SLC7A6OS: variants seen among roughly 807,000 people sequenced by gnomAD.
SLC7A6OS encodes solute carrier family 7 member 6 opposite strand.
A neutral mutation model predicts 34.3 loss-of-function variants in SLC7A6OS; 22 were observed. That is an observed-to-expected ratio of 0.64 (90% CI 0.46 to 0.92). The LOEUF is 0.92. SLC7A6OS is among the 40% of genes least tolerant of loss of function. SLC7A6OS has a pLI of 0.00. For missense variants in SLC7A6OS, 434 were observed against 407.7 expected (o/e 1.06, Z -0.56); for synonymous variants, 199 against 165.0 (o/e 1.21, Z -1.58).
chr16:68,308,269 C>T (rs2043340807), intron 2 of SLC7A6OS, among the ~76,000 whole-genome samples: 1 of 152,140 alleles, frequency 6.6e-6, no homozygotes, highest in African/African-American at 2.4e-5. Flanking sequence ...GTAAGTCATG[C>T]ATTAGTCTGG....
intron 2 of SLC7A6OS, among the ~76,000 whole-genome samples, chr16:68,307,531 AG>A (rs778976178): frequency 1.3e-5 from 2 of 152,260 alleles, no homozygotes; most frequent in Non-Finnish European, 2.9e-5. Flanking sequence ...AAATTTCCTT[AG>A]AAATTTTTAA....
chr16:68,303,843 C>T, intron 3 of SLC7A6OS, 183 bp downstream of exon 3: 1 of 598,348 alleles, frequency 1.7e-6, no homozygotes. Flanking sequence ...GATGATCTTT[C>T]CCCAAATTCC....
rs1567602813 is a variant in SLC7A6OS at position 68,304,187 on chromosome 16, GGA to G, written c.515_516del (p.Ile172ThrfsTer2). 1 of 1,613,956 alleles carries G rather than the reference GGA, an allele frequency of 6.2e-7. No individual in the cohort carries two copies. Among genetic ancestry groups the G allele is most frequent in the East Asian group, 2.2e-5 (1 of 44,894 alleles). ...DVILCNSVEL[I>X]RERLTVSEDG... is the part of the protein sequence containing the mutation. The stretch of plus-strand genomic sequence containing the variant: ...TCCTCAGACACAGTCAATCGCTCAC[GGA>G]TCAACTCTACAGAATTGCAGAGGAT... On this transcript the variant is annotated frameshift_variant, in exon 3 of 5. Transcript: ENST00000263997. LOFTEE classifies it high-confidence loss of function.
rs186630157 is a variant in SLC7A6OS at position 68,300,716 on chromosome 16, C to G, written c.*559G>C. On this transcript the variant is annotated 3_prime_UTR_variant, in exon 5 of 5. Transcript: ENST00000263997. ...GGAAGTCAGTCAGTAATTTCACAAC[C>G]GTTATCAGAGTTTGGAAGCAGAAAT... is the stretch of plus-strand genomic sequence containing the variant. The G allele has an allele frequency of 1.0e-6, 1 of 985,484 alleles. No homozygotes were observed. Among genetic ancestry groups the G allele is most frequent in the South Asian group, 4.7e-5 (1 of 21,292 alleles). 61.0% of individuals were successfully genotyped at this position (985,484 alleles called of 1,614,324 possible).
chr16:68,306,900 C>T (rs1009267557), intron 2 of SLC7A6OS, among the ~76,000 whole-genome samples: 2 of 152,018 alleles, frequency 1.3e-5, no homozygotes, highest in African/African-American at 4.8e-5. Flanking sequence ...TGGAGGGCAG[C>T]AGTATGATCA....
chr16:68,303,746 C>T, intron 3 of SLC7A6OS: 1 of 381,638 alleles, frequency 2.6e-6, no homozygotes, highest in Non-Finnish European at 4.8e-6. Flanking sequence ...ATACATATTT[C>T]CCCCCTAAGA....
rs576050687 is a variant in SLC7A6OS at position 68,310,515 on chromosome 16, G to C, written c.291C>G (p.Val97=). Reference sequence around the variant, plus strand: ...GCACCCGGTAGCGGCCCTCCTGCCGGACCTCCCGAGCCGAGGCGCGGAGAT... The same window carrying C: ...GCACCCGGTAGCGGCCCTCCTGCCGCACCTCCCGAGCCGAGGCGCGGAGAT... ...RRNLRASARE[V]RQEGRYRVLS... The change falls in exon 2 of 5, where the codon GTC becomes GTG. Residue 97 remains valine (V), a synonymous_variant. Coordinates refer to ENST00000263997, the MANE Select transcript of SLC7A6OS (RefSeq NM_032178.3). 2 of 1,582,364 alleles carry C rather than the reference G, an allele frequency of 1.3e-6. No homozygotes were observed. The highest frequency in any genetic ancestry group is 2.3e-5 in the East Asian group (1 of 42,836).
chr16:68,310,900 G>T lies in SLC7A6OS; in HGVS notation c.27C>A (p.Leu9=). MEAARTAV[L]RVKRKRSAEP... ...CCGCACTGCGCTTCCGCTTCACCCG[G>T]AGTACAGCGGTCCTGGCGGCCTCCA... Residue 9 remains leucine, a synonymous_variant, in exon 1 of 5, where the codon CTC becomes CTA. Coordinates refer to ENST00000263997, the MANE Select transcript of SLC7A6OS (RefSeq NM_032178.3). 1 of 1,597,576 alleles carries T rather than the reference G, an allele frequency of 6.3e-7. No homozygotes were observed. Among genetic ancestry groups the T allele is most frequent in the South Asian group, 1.1e-5 (1 of 89,980 alleles).
intron 2 of SLC7A6OS, among the ~76,000 whole-genome samples, chr16:68,305,267 G>A (rs2043318729): frequency 6.6e-6 from 1 of 152,168 alleles, no homozygotes; most frequent in South Asian, 2.1e-4. Context: ...GTTTCCTGGT[G>A]ACCTCTACCA....
At chr16:68,305,664 C>G (rs1409113868) in intron 2 of SLC7A6OS, among the ~76,000 whole-genome samples, 1 of 152,188 alleles carries the variant, frequency 6.6e-6, no homozygotes, top group East Asian at 1.9e-4. Context: ...GCTAGAGATG[C>G]CAGTTTTTCT....
rs1329158255 is a variant in SLC7A6OS at position 68,298,514 on chromosome 16, C to G, written c.*2761G>C. 1.3e-5 allele frequency: 2 copies of G among 152,278 alleles called. No individual in the cohort carries two copies. Among genetic ancestry groups the G allele is most frequent in the Non-Finnish European group, 2.9e-5 (2 of 68,074 alleles). The allele number at this position is 152,278 out of a possible 1,614,324, so 9.4% of individuals were successfully genotyped here. ...AGGCTTTGTTTACACTTGGAGCCAC[C>G]TTGGTGTGGGTCACCGGGACAGTGT... On this transcript the variant is annotated 3_prime_UTR_variant, in exon 5 of 5. Transcript: ENST00000263997.
In SLC7A6OS at chr16:68,299,728, C is replaced by G. The variant is rs990409719; in HGVS notation, c.*1547G>C. The G allele has an allele frequency of 3.9e-5, 6 of 152,132 alleles. No homozygotes were observed. In the East Asian group the frequency reaches 1.2e-3, roughly 29 times the overall value. 9.4% of individuals were successfully genotyped at this position (152,132 alleles called of 1,614,324 possible). ...GAGAATGGCTTTCAATCCTTTGTTT[C>G]TATGCCTACAGACAGAAAGCAAGAT... is the stretch of plus-strand genomic sequence containing the variant. On this transcript the variant is annotated 3_prime_UTR_variant, in exon 5 of 5. Coordinates refer to ENST00000263997, the MANE Select transcript of SLC7A6OS (RefSeq NM_032178.3).
intron 3 of SLC7A6OS, among the ~76,000 whole-genome samples, chr16:68,303,301 TGTG>T (rs1450223980): frequency 7.3e-6 from 1 of 137,700 alleles, no homozygotes; most frequent in Non-Finnish European, 1.6e-5. Flanking sequence ...GTCAGCTAGG[TGTG>T]GTGGCTCACA....
Position 68,301,361 on chromosome 16 carries a change from T to G in SLC7A6OS, c.844A>C (p.Ser282Arg). The G allele has an allele frequency of 4.3e-6, 7 of 1,614,162 alleles. No individual in the cohort carries two copies. Among genetic ancestry groups the G allele is most frequent in the Non-Finnish European group, 5.9e-6 (7 of 1,179,998 alleles). The part of the protein sequence containing the change: ...NSLSEEERGS[S>R]RQRMWSKYPL... ...TACTTGCTCCACATCCGCTGTCTGC[T>G]GCTGCCTCTTTCCTCCTCACTCAGG... The change falls in exon 5 of 5, where the codon AGC becomes CGC. Residue 282 changes from serine to arginine, a missense_variant. Transcript: ENST00000263997.
At chr16:68,305,345 C>CTA (rs1448371240) in intron 2 of SLC7A6OS, among the ~76,000 whole-genome samples, 1 of 152,160 alleles carries the variant, frequency 6.6e-6, no homozygotes, top group East Asian at 1.9e-4. Flanking sequence ...ATGGGCTCAC[C>CTA]TATAGTCTTT....
chr16:68,302,279 C>T, intron 4 of SLC7A6OS, 102 bp downstream of exon 4: 1 of 1,426,334 alleles, frequency 7.0e-7, no homozygotes, highest in Non-Finnish European at 9.6e-7. Context: ...TGCTGGCGCT[C>T]AATGACAGAG....
intron 2 of SLC7A6OS, among the ~76,000 whole-genome samples, chr16:68,304,965 G>A (rs150093148): frequency 6.6e-6 from 1 of 152,106 alleles, no homozygotes; most frequent in African/African-American, 2.4e-5. Context: ...AGGCTGCAGT[G>A]AGCCGTGATC....
chr16:68,310,897 C>G lies in SLC7A6OS; in HGVS notation c.30G>C (p.Arg10=), dbSNP rs755777695. The G allele has an allele frequency of 1.9e-6, 3 of 1,600,594 alleles. No individual in the cohort carries two copies. Among genetic ancestry groups the G allele is most frequent in the Non-Finnish European group, 2.6e-6 (3 of 1,175,616 alleles). MEAARTAVL[R]VKRKRSAEPA... ...GCTCCGCACTGCGCTTCCGCTTCAC[C>G]CGGAGTACAGCGGTCCTGGCGGCCT... Residue 10 remains arginine, a synonymous_variant, in exon 1 of 5, where the codon CGG becomes CGC. Transcript: ENST00000263997.
At position 68,300,522 on chromosome 16, in the gene SLC7A6OS, C is replaced by T. The variant is rs78795511; in HGVS notation, c.*753G>A. The T allele has an allele frequency of 3.3e-4, 255 of 773,370 alleles. 2 individuals carry two copies. In the African/African-American group the frequency reaches 4.5e-3, roughly 14 times the overall value. The allele number at this position is 773,370 out of a possible 1,614,324, so 47.9% of individuals were successfully genotyped here. On this transcript the variant is annotated 3_prime_UTR_variant, in exon 5 of 5. Coordinates refer to ENST00000263997, the MANE Select transcript of SLC7A6OS (RefSeq NM_032178.3). The stretch of plus-strand genomic sequence containing the variant: ...TGTTTTTCCTCCCTTGCCTTAAGTC[C>T]TTGGTATTTATAATCAATGCTGAAC...
Sources: allele counts gnomAD v4.1 joint callset (sites outside exome capture counted in the v4.1 genomes callset), GRCh38; gene constraint gnomAD v4.1.1; transcripts MANE v1.5; gene names NCBI Gene and HGNC (gene_info 2026-07-23, HGNC 2026-07-21).